The following SLC9B1 variants were observed in gnomAD, a reference collection of about 807,000 sequenced individuals.
The protein encoded by SLC9B1 is sodium/hydrogen exchanger 9B1.
Under a neutral mutation model 51.7 loss-of-function variants are expected in SLC9B1, and 32 were observed. The observed-to-expected ratio is 0.62, with a 90% confidence interval of 0.47 to 0.83. The LOEUF (loss-of-function observed/expected upper bound fraction) is 0.83, where lower values mean the gene tolerates loss of function less well. Ranked by LOEUF, SLC9B1 falls within the 40% of genes least tolerant of loss-of-function variation. The pLI, the probability that SLC9B1 is intolerant of heterozygous loss-of-function variation, is 0.00. For missense variants in SLC9B1, 406 were observed against 613.2 expected, an observed-to-expected ratio of 0.66 and a Z score of 3.57; for synonymous variants, 145 against 212.7, an observed-to-expected ratio of 0.68 and a Z score of 2.77.
chr4:103,016,908 G>A (rs1741393866), intron 1 of SLC9B1: 1 of 152,134 alleles, frequency 6.6e-6, no homozygotes, highest in Non-Finnish European at 1.5e-5. Context: ...TTTTCCATAT[G>A]CTGGTGACTC....
intron 7 of SLC9B1, among the ~76,000 whole-genome samples, chr4:102,923,426 G>C (rs1271236444): frequency 6.6e-6 from 1 of 152,092 alleles, no homozygotes; most frequent in Non-Finnish European, 1.5e-5. Context: ...AATAATAAGA[G>C]CTATTTATGA....
In SLC9B1 at chr4:102,945,189, T is replaced by C; in HGVS notation, c.653+4A>G. On this transcript the variant is annotated splice_donor_region_variant and intron_variant, in intron 6 of 11. Transcript: ENST00000296422. ...TTCATAAGAAAAAATGAGAAAGAAA[T>C]TACCCTAATAGAAATGCCCATTGCC... The C allele has an allele frequency of 6.4e-7, 1 of 1,571,026 alleles. No homozygotes were observed. The highest frequency in any genetic ancestry group is 8.6e-7 in the Non-Finnish European group (1 of 1,158,584).
intron 3 of SLC9B1, chr4:102,962,080 G>A (rs1738166924): frequency 8.2e-6 from 3 of 366,038 alleles, no homozygotes; most frequent in South Asian, 2.2e-5. Flanking sequence ...CCTGGAGGTT[G>A]AGCTGCACCC....
chr4:102,892,393 T>C lies in SLC9B1; in HGVS notation c.1333-7065A>G, dbSNP rs546649729. 3 of 152,328 alleles carry C rather than the reference T, an allele frequency of 2.0e-5. No individual in the cohort carries two copies. The East Asian group carries it at 5.8e-4, about 29-fold the overall frequency. The allele number at this position is 152,328 out of a possible 1,614,324, so 9.4% of individuals were successfully genotyped here. A position where few individuals can be genotyped will look rare whatever the true frequency, so the allele number is the denominator to read the frequency against. ...TTTGCAGAAATCCAATTTAGTAAAGTCATGTTGTAGCAAGCATCACTTTAA... is the reference window on the plus strand; with the variant it reads ...TTTGCAGAAATCCAATTTAGTAAAGCCATGTTGTAGCAAGCATCACTTTAA... On this transcript the variant is annotated intron_variant, in intron 11 of 11. Coordinates refer to the SLC9B1 transcript ENST00000394789.
chr4:102,985,780 C>A (rs762424313), intron 3 of SLC9B1, among the ~76,000 whole-genome samples: 5 of 152,136 alleles, frequency 3.3e-5, no homozygotes, highest in South Asian at 2.1e-4. Context: ...CCACCTCCAC[C>A]TCCCAAAGTG....
chr4:102,946,904 G>T, intron 4 of SLC9B1, 115 bp from the exon 5 acceptor site: 1 of 891,976 alleles, frequency 1.1e-6, no homozygotes, highest in Non-Finnish European at 1.7e-6. Flanking sequence ...TAAAGGGCAG[G>T]TTACAAGCAA....
intron 3 of SLC9B1, among the ~76,000 whole-genome samples, chr4:102,971,023 C>T (rs985509177): frequency 2.0e-5 from 3 of 152,112 alleles, no homozygotes; most frequent in Admixed American, 1.3e-4. Context: ...ACCTAGACAT[C>T]CACACAATAA....
intron 11 of SLC9B1, among the ~76,000 whole-genome samples, chr4:102,887,023 G>A (rs1733962044): frequency 6.6e-6 from 1 of 152,116 alleles, no homozygotes; most frequent in Admixed American, 6.5e-5. Context: ...TTAAGCAATA[G>A]GTGAGCTCGA....
intron 1 of SLC9B1, among the ~76,000 whole-genome samples, chr4:102,999,010 T>A (rs1223853295): frequency 6.6e-6 from 1 of 152,078 alleles, no homozygotes; most frequent in Non-Finnish European, 1.5e-5. Context: ...GGTGCACACG[T>A]CCACACCCAG....
intron 3 of SLC9B1, among the ~76,000 whole-genome samples, chr4:102,966,906 T>C (rs1578387593): frequency 6.6e-6 from 1 of 152,204 alleles, no homozygotes; most frequent in East Asian, 1.9e-4. Flanking sequence ...AAGAAGTAAC[T>C]ACATAGCTGC....
rs199573048 is a variant in SLC9B1, at chr4:102,955,796, AAG to A, written c.212-6371_212-6370del. Among the ~76,000 whole-genome samples the A allele has an allele frequency of 7.6e-3, 1,149 of 151,436 alleles. 10 individuals are homozygous for A. Among genetic ancestry groups the A allele is most frequent in the African/African-American group, 0.015 (600 of 41,248 alleles). ...TCAAAGTAAAATTAAAAAAGAAAGA[AAG>A]AGAGAGAGAGAAACAACAAACAAAG... is the stretch of plus-strand genomic sequence containing the variant. On this transcript the variant is annotated intron_variant, in intron 3 of 11. Transcript: ENST00000296422.
At chr4:102,889,042 A>G (rs1217535027) in intron 11 of SLC9B1, 2 of 152,258 alleles carry the variant, frequency 1.3e-5, no homozygotes, top group Non-Finnish European at 2.9e-5. Flanking sequence ...CAGACACTAC[A>G]CTAAGCATGG....
In SLC9B1 at chr4:103,019,378, CAA is replaced by C. The variant is rs1163867382; in HGVS notation, c.-2+219_-2+220del. On this transcript the variant is annotated intron_variant, in intron 1 of 11. Transcript: ENST00000296422. The stretch of plus-strand genomic sequence containing the variant: ...AAAAACAGGAGGAAAAGAGAACAAA[CAA>C]GAGAGATGTGGGATGACGGAGTAAG... 7.2e-5 allele frequency among the ~76,000 whole-genome samples: 11 copies of C among 152,236 alleles called. No individual in the cohort carries two copies. In the East Asian group the frequency reaches 1.4e-3, roughly 19 times the overall value.
intron 3 of SLC9B1, among the ~76,000 whole-genome samples, chr4:102,974,693 T>A (rs1738961853): frequency 6.6e-6 from 1 of 152,158 alleles, no homozygotes; most frequent in Non-Finnish European, 1.5e-5. Context: ...TAGTATGAGA[T>A]ACTTTAATAT....
At chr4:102,945,807 T>C (rs1002153543) in intron 5 of SLC9B1, among the ~76,000 whole-genome samples, 1 of 152,150 alleles carries the variant, frequency 6.6e-6, no homozygotes, top group Non-Finnish European at 1.5e-5. Flanking sequence ...TATAATCTTA[T>C]TGGCTATAAT....
At chr4:102,959,542 T>C (rs1285556899) in intron 3 of SLC9B1, among the ~76,000 whole-genome samples, 3 of 152,194 alleles carry the variant, frequency 2.0e-5, no homozygotes, top group Non-Finnish European at 4.4e-5. Context: ...TTTTTTAGGA[T>C]ATATGTGAAA....
At chr4:103,009,572 T>C (rs1287251174) in intron 1 of SLC9B1, among the ~76,000 whole-genome samples, 2 of 152,242 alleles carry the variant, frequency 1.3e-5, no homozygotes, top group African/African-American at 4.8e-5. Flanking sequence ...TGCAGCTCTT[T>C]TCCTTCCACT....
At chr4:102,959,320 T>C (rs1043696306) in intron 3 of SLC9B1, among the ~76,000 whole-genome samples, 5 of 152,126 alleles carry the variant, frequency 3.3e-5, no homozygotes, top group Non-Finnish European at 7.4e-5. Context: ...ATATATGTAA[T>C]TTTTTTAACC....
intron 1 of SLC9B1, among the ~76,000 whole-genome samples, chr4:103,018,301 C>T: frequency 6.6e-6 from 1 of 152,158 alleles, no homozygotes; most frequent in East Asian, 1.9e-4. Context: ...AGTATAAATT[C>T]TGGTACTCTA....
Sources: allele counts gnomAD v4.1 joint callset (sites outside exome capture counted in the v4.1 genomes callset), GRCh38; gene constraint gnomAD v4.1.1; transcripts MANE v1.5; gene names NCBI Gene and HGNC (gene_info 2026-07-23, HGNC 2026-07-21).